The following FBLN7 variants were observed in gnomAD, a reference collection of about 807,000 sequenced individuals.
FBLN7 encodes fibulin 7, also known as fibulin-7.
A neutral mutation model predicts 44.0 loss-of-function variants in FBLN7; 31 were observed. The observed-to-expected ratio is 0.70, with a 90% CI of 0.53 to 0.95. The LOEUF is 0.95. FBLN7 is among the 40% of genes least tolerant of loss of function. The pLI, the probability that FBLN7 is intolerant of heterozygous loss-of-function variation, is 0.00. For synonymous variants in FBLN7, 262 were observed against 253.4 expected (o/e 1.03, Z -0.32); for missense variants, 573 against 618.5 (o/e 0.93, Z 0.78).
chr2:112,149,480 C>T (rs1681042418), intron 1 of FBLN7, among the ~76,000 whole-genome samples: 1 of 152,208 alleles, frequency 6.6e-6, no homozygotes, highest in South Asian at 2.1e-4. Context: ...AGCCCTCCCT[C>T]CATATGCTGG....
intron 6 of FBLN7, among the ~76,000 whole-genome samples, chr2:112,183,571 G>A (rs908306021): frequency 1.3e-5 from 2 of 152,144 alleles, no homozygotes; most frequent in Admixed American, 6.5e-5. Context: ...CATCCAGGCA[G>A]GTCAGGACTC....
Position 112,165,148 on chromosome 2 carries a change from C to A in FBLN7, c.383C>A (p.Thr128Lys). 1.2e-6 allele frequency: 2 copies of A among 1,614,174 alleles called. No individual in the cohort carries two copies. Among genetic ancestry groups the A allele is most frequent in the Non-Finnish European group, 1.7e-6 (2 of 1,180,010 alleles). ...GTGTGTCTTCCCAATGGCACCTGGA[C>A]AGGGGAGCAGCCCCACTGTAGAGGT... ...SVVCLPNGTW[T>K]GEQPHCRGIS... The change falls in exon 3 of 8, where the codon ACA (threonine) becomes AAA (lysine). Residue 128 changes from threonine (T) to lysine (K), a missense_variant. Physicochemically the swap from Thr to Lys is moderately conservative, Grantham distance 78. Transcript: ENST00000331203.
At chr2:112,203,287 C>A in the FBLN7 span, among the ~76,000 whole-genome samples, 1 of 152,190 alleles carries the variant, frequency 6.6e-6, no homozygotes, top group African/African-American at 2.4e-5. Flanking sequence ...TCCCAACTCA[C>A]ACACAGAGTT....
At chr2:112,167,142 G>C (rs541032069) in intron 3 of FBLN7, among the ~76,000 whole-genome samples, 23 of 152,308 alleles carry the variant, frequency 1.5e-4, no homozygotes, top group African/African-American at 5.5e-4. Context: ...GTTTTTTCTT[G>C]CTTGCTCAGA....
At chr2:112,208,916 T>C in the FBLN7 span, among the ~76,000 whole-genome samples, 3 of 152,208 alleles carry the variant, frequency 2.0e-5, no homozygotes, top group South Asian at 2.1e-4. Flanking sequence ...CTATCTTGAA[T>C]GAATGGCTGA....
chr2:112,178,834 A>G (rs993497366), intron 4 of FBLN7, among the ~76,000 whole-genome samples: 2 of 152,234 alleles, frequency 1.3e-5, no homozygotes, highest in African/African-American at 4.8e-5. Flanking sequence ...CAAACTAGGT[A>G]TTGAAGGAAC....
chr2:112,188,216 GC>G (rs1297460341), exon 8 of FBLN7: 1 of 152,176 alleles, frequency 6.6e-6, no homozygotes, highest in Non-Finnish European at 1.5e-5. Context: ...GCTCCTTCCT[GC>G]CCGCCTGACT....
the FBLN7 span, chr2:112,214,042 G>GTTCA: frequency 6.6e-6 from 1 of 150,656 alleles, no homozygotes; most frequent in Non-Finnish European, 1.5e-5. Context: ...GCCCCCTGGG[G>GTTCA]TTCACACCAT....
chr2:112,187,328 G>T lies in FBLN7; in HGVS notation c.1142G>T (p.Arg381Leu), dbSNP rs150736251. 1.9e-6 allele frequency: 3 copies of T among 1,614,138 alleles called. No homozygotes were observed. The highest frequency in any genetic ancestry group is 2.7e-5 in the African/African-American group (2 of 75,058). ...LRFGIVGGNS[R>L]GHFVMQRSDR... ...TTTGGGATCGTGGGTGGGAACAGCC[G>T]CGGCCACTTTGTGATGCAGCGTTCA... is the stretch of plus-strand genomic sequence containing the variant. The change falls in exon 8 of 8, where the codon CGC becomes CTC. Residue 381 changes from arginine (R) to leucine (L), a missense_variant. Physicochemically the swap from Arg to Leu is moderately radical, Grantham distance 102. Transcript: ENST00000331203. The surrounding 1 kb of genome is among the most constrained non-coding windows in gnomAD (Gnocchi z 5.1).
At chr2:112,185,054 TAAGG>T (rs1445005986) in intron 6 of FBLN7, 143 bp from the exon 7 acceptor site, 20 of 1,126,768 alleles carry the variant, frequency 1.8e-5, no homozygotes, top group Admixed American at 9.9e-5. Flanking sequence ...TCCACACAGT[TAAGG>T]AAGGCAGGCT....
intron 3 of FBLN7, among the ~76,000 whole-genome samples, chr2:112,174,341 G>C (rs1682630867): frequency 6.6e-6 from 1 of 152,170 alleles, no homozygotes; most frequent in African/African-American, 2.4e-5. Flanking sequence ...CCTTCTCTAG[G>C]GATGAGCAGC....
At chr2:112,205,820 A>G in the FBLN7 span, among the ~76,000 whole-genome samples, 1 of 152,292 alleles carries the variant, frequency 6.6e-6, no homozygotes, top group Admixed American at 6.5e-5. Flanking sequence ...GCCTTTCCAT[A>G]TAAATTTTAG....
At chr2:112,196,004 G>A in the FBLN7 span, among the ~76,000 whole-genome samples, 1 of 152,182 alleles carries the variant, frequency 6.6e-6, no homozygotes, top group African/African-American at 2.4e-5. Flanking sequence ...GTCTCTTCCA[G>A]GCCAAGGAAC....
At chr2:112,229,759 T>A in the FBLN7 span, among the ~76,000 whole-genome samples, 1 of 152,110 alleles carries the variant, frequency 6.6e-6, no homozygotes, top group Non-Finnish European at 1.5e-5. Flanking sequence ...TACCAACTGT[T>A]AATACAATTC....
At position 112,187,785 on chromosome 2, in the gene FBLN7, G is replaced by T; in HGVS notation, c.*279G>T. ...TAAAACTTTTTCATCCAGGGGATGG[G>T]TGGCTTTCCAAAATGCTGTGCAAAT... On this transcript the variant is annotated 3_prime_UTR_variant, in exon 8 of 8. Transcript: ENST00000331203. The surrounding 1 kb of genome is among the most constrained non-coding windows in gnomAD (Gnocchi z 5.1). 1.9e-6 allele frequency: 1 copy of T among 517,792 alleles called. No homozygotes were observed. The highest frequency in any genetic ancestry group is 3.6e-5 in the Admixed American group (1 of 27,636). 32.1% of individuals were successfully genotyped at this position (517,792 alleles called of 1,614,324 possible).
intron 3 of FBLN7, among the ~76,000 whole-genome samples, chr2:112,174,473 G>A (rs183181558): frequency 9.6e-4 from 146 of 152,294 alleles, no homozygotes; most frequent in Admixed American, 7.5e-3. Context: ...CAAGTCTGTC[G>A]TTCTCATTAG....
chr2:112,212,990 T>G, the FBLN7 span: 1 of 97,302 alleles, frequency 1.0e-5, no homozygotes, highest in Non-Finnish European at 2.1e-5. Flanking sequence ...TTTTTTTTTA[T>G]AAGAGACAAG....
intron 7 of FBLN7, 138 bp from the exon 8 acceptor site, chr2:112,186,996 G>T: frequency 9.8e-7 from 1 of 1,016,222 alleles, no homozygotes; most frequent in East Asian, 2.6e-5. Context: ...CAGCTCCATA[G>T]CTCCTGGGTG....
At chr2:112,159,885 C>T (rs761154225) in intron 2 of FBLN7, 50 bp downstream of exon 2, 2 of 1,441,726 alleles carry the variant, frequency 1.4e-6, no homozygotes, top group Non-Finnish European at 9.1e-7. Flanking sequence ...CACTCGAGCA[C>T]TCTCCCCGAG....
Sources: allele counts gnomAD v4.1 joint callset (sites outside exome capture counted in the v4.1 genomes callset), GRCh38; gene constraint gnomAD v4.1.1; non-coding constraint Gnocchi (gnomAD v3.1); transcripts MANE v1.5; gene names NCBI Gene and HGNC (gene_info 2026-07-23, HGNC 2026-07-21).